RIMS1: variants seen among roughly 807,000 people sequenced by gnomAD.
The protein encoded by RIMS1 is regulating synaptic membrane exocytosis 1, also known as regulating synaptic membrane exocytosis protein 1.
RIMS1 carries 83 observed loss-of-function variants against 214.1 expected under a neutral mutation model. The ratio of observed to expected loss-of-function variants is 0.39; its 90% CI spans 0.32 to 0.47. The LOEUF is 0.47. RIMS1 is among the 20% of genes least tolerant of loss of function. RIMS1 has a pLI of 0.99. For synonymous variants in RIMS1, 793 were observed against 786.8 expected (o/e 1.01, Z -0.13); for missense variants, 2,050 against 2,161.8 (o/e 0.95, Z 1.03).
chr6:72,343,492 CTTT>C (rs764125827), intron 29 of RIMS1, among the ~76,000 whole-genome samples: 82 of 57,294 alleles, frequency 1.4e-3, no homozygotes, highest in African/African-American at 6.0e-3. Context: ...TCTTCTTCTT[CTTT>C]TTTTTTTTTT....
intron 26 of RIMS1, among the ~76,000 whole-genome samples, chr6:72,293,395 A>T (rs183105792): frequency 6.6e-6 from 1 of 151,916 alleles, no homozygotes; most frequent in African/African-American, 2.4e-5. Flanking sequence ...AATTATTCAT[A>T]ATTAATCTGG....
chr6:72,136,381 G>C (rs967041197), intron 4 of RIMS1, among the ~76,000 whole-genome samples: 1 of 151,544 alleles, frequency 6.6e-6, no homozygotes, highest in Admixed American at 6.6e-5. Flanking sequence ...ATTACTCTTA[G>C]TATAAACAGA....
At chr6:71,923,564 T>G (rs1216195155) in intron 1 of RIMS1, among the ~76,000 whole-genome samples, 1 of 151,920 alleles carries the variant, frequency 6.6e-6, no homozygotes, top group Non-Finnish European at 1.5e-5. Context: ...CCTCTTTTTG[T>G]GACTTTTCTT....
At chr6:72,058,502 C>T (rs1826967012) in intron 2 of RIMS1, among the ~76,000 whole-genome samples, 1 of 152,208 alleles carries the variant, frequency 6.6e-6, no homozygotes, top group African/African-American at 2.4e-5. Context: ...TGTATCTCCA[C>T]CTGACTGAGT....
intron 1 of RIMS1, among the ~76,000 whole-genome samples, chr6:71,962,692 A>G (rs527416619): frequency 6.6e-6 from 1 of 152,320 alleles, no homozygotes; most frequent in African/African-American, 2.4e-5. Flanking sequence ...TTAAAATAAT[A>G]TTCTTCAGCT....
At chr6:72,317,571 T>C (rs568112697) in intron 28 of RIMS1, 38 of 158,282 alleles carry the variant, frequency 2.4e-4, no homozygotes, top group African/African-American at 8.9e-4. Flanking sequence ...TATTCTGGAA[T>C]GTCAATCTTG....
At chr6:72,092,291 C>CCCTCCCTCCCTTCCTTCCTT (rs745668426) in intron 2 of RIMS1, among the ~76,000 whole-genome samples, 60 of 107,818 alleles carry the variant, frequency 5.6e-4, no homozygotes, top group African/African-American at 9.4e-4. Flanking sequence ...CTCCCTCCCT[C>CCCTCCCTCCCTTCCTTCCTT]CCTTCCTTCC....
intron 28 of RIMS1, among the ~76,000 whole-genome samples, chr6:72,315,696 C>CA (rs2095746761): frequency 6.6e-6 from 1 of 152,138 alleles, no homozygotes; most frequent in African/African-American, 2.4e-5. Flanking sequence ...GCAGTACACA[C>CA]ACACACACAC....
intron 29 of RIMS1, among the ~76,000 whole-genome samples, chr6:72,371,033 A>G (rs1159859047): frequency 6.6e-6 from 1 of 152,146 alleles, no homozygotes; most frequent in Non-Finnish European, 1.5e-5. Context: ...TATATGAAAA[A>G]CTTGAAATTT....
intron 1 of RIMS1, among the ~76,000 whole-genome samples, chr6:71,936,483 C>T (rs938942700): frequency 6.6e-6 from 1 of 151,972 alleles, no homozygotes; most frequent in African/African-American, 2.4e-5. Flanking sequence ...AACTAATCAA[C>T]AAAAAACCAA....
chr6:72,071,695 A>G (rs187872192), intron 2 of RIMS1, among the ~76,000 whole-genome samples: 1 of 152,350 alleles, frequency 6.6e-6, no homozygotes, highest in Admixed American at 6.5e-5. Context: ...ATGGACCTAT[A>G]AATAGAAGTA....
intron 24 of RIMS1, among the ~76,000 whole-genome samples, chr6:72,286,744 C>A (rs2154237662): frequency 6.6e-6 from 1 of 152,278 alleles, no homozygotes; most frequent in Non-Finnish European, 1.5e-5. Flanking sequence ...AGTATAAATG[C>A]TTTGGACACT....
intron 1 of RIMS1, among the ~76,000 whole-genome samples, chr6:71,963,012 G>T (rs1793403264): frequency 6.6e-6 from 1 of 152,002 alleles, no homozygotes; most frequent in African/African-American, 2.4e-5. Flanking sequence ...TCGTGAATAT[G>T]GTCTGGTAAT....
chr6:72,106,315 A>G (rs1381112077), intron 4 of RIMS1, among the ~76,000 whole-genome samples: 1 of 152,182 alleles, frequency 6.6e-6, no homozygotes, highest in East Asian at 1.9e-4. Context: ...TTATTGACCA[A>G]TAAAGTGCTG....
chr6:72,293,425 G>A (rs1401075955), intron 26 of RIMS1, among the ~76,000 whole-genome samples: 4 of 151,762 alleles, frequency 2.6e-5, no homozygotes, highest in Admixed American at 2.6e-4. Context: ...AGATGAAATT[G>A]TTTTAAAATT....
chr6:72,116,454 T>C (rs994561786), intron 4 of RIMS1, among the ~76,000 whole-genome samples: 1 of 151,992 alleles, frequency 6.6e-6, no homozygotes, highest in African/African-American at 2.4e-5. Context: ...AGTTGTACTG[T>C]TTCATATAAA....
chr6:72,101,873 AT>A (rs1459682821), intron 4 of RIMS1, among the ~76,000 whole-genome samples: 3 of 152,022 alleles, frequency 2.0e-5, no homozygotes, highest in Non-Finnish European at 4.4e-5. Context: ...AACTTGGAAG[AT>A]TTTGTATTTA....
intron 1 of RIMS1, among the ~76,000 whole-genome samples, chr6:71,949,133 T>G (rs745973987): frequency 1.3e-5 from 2 of 152,340 alleles, no homozygotes; most frequent in East Asian, 1.9e-4. Context: ...GGGTGTATTT[T>G]TATGCCTTTC....
Position 72,265,364 on chromosome 6 carries a change from TTTTTGTGTAATTTTAA to T in RIMS1, c.3195-22_3195-7del. 8.2e-7 allele frequency: 1 copy of T among 1,219,500 alleles called. No homozygotes were observed. The highest frequency in any genetic ancestry group is 1.2e-6 in the Non-Finnish European group (1 of 841,006). The allele number at this position is 1,219,500 out of a possible 1,614,324, so 75.5% of individuals were successfully genotyped here. ...TTTAATTATAATTTATTTTATTTTA[TTTTTGTGTAATTTTAA>T]TTTGTGGAGCTCAATTCTGCCTGCA... On this transcript the variant is annotated splice_polypyrimidine_tract_variant and intron_variant, in intron 20 of 33. Coordinates refer to ENST00000521978, the MANE Select transcript of RIMS1 (RefSeq NM_014989.7).
Sources: allele counts gnomAD v4.1 joint callset (sites outside exome capture counted in the v4.1 genomes callset), GRCh38; gene constraint gnomAD v4.1.1; transcripts MANE v1.5; gene names NCBI Gene and HGNC (gene_info 2026-07-23, HGNC 2026-07-21).